Variants in GPR158 observed in about 807,000 individuals in gnomAD.
GPR158 encodes the protein G protein-coupled receptor 158.
A neutral mutation model predicts 78.2 loss-of-function variants in GPR158; 30 were observed. That is an observed-to-expected ratio of 0.38 (90% CI 0.29 to 0.52). The LOEUF (loss-of-function observed/expected upper bound fraction) is 0.52. Among genes scored for constraint, GPR158 ranks in the 20% least tolerant of loss-of-function variants. GPR158 has a pLI of 0.83. For synonymous variants in GPR158, 581 were observed against 591.1 expected (o/e 0.98, Z 0.25); for missense variants, 1,463 against 1,523.5 (o/e 0.96, Z 0.66).
chr10:25,394,047 T>G (rs572169371), intron 2 of GPR158, among the ~76,000 whole-genome samples: 1 of 152,356 alleles, frequency 6.6e-6, no homozygotes, highest in South Asian at 2.1e-4. Flanking sequence ...CCGTGAGCAT[T>G]TCCAAAACTG....
intron 2 of GPR158, among the ~76,000 whole-genome samples, chr10:25,362,879 T>A (rs2130536246): frequency 6.6e-6 from 1 of 152,032 alleles, no homozygotes; most frequent in East Asian, 1.9e-4. Flanking sequence ...TAACTGCTTT[T>A]TATATATTTT....
chr10:25,252,457 G>C (rs1853818967), intron 2 of GPR158, among the ~76,000 whole-genome samples: 1 of 151,810 alleles, frequency 6.6e-6, no homozygotes, highest in African/African-American at 2.4e-5. Context: ...ATCTACTTTT[G>C]GTCTTTGATG....
At chr10:25,250,649 C>G (rs1283050452) in intron 2 of GPR158, among the ~76,000 whole-genome samples, 1 of 149,274 alleles carries the variant, frequency 6.7e-6, no homozygotes, top group Non-Finnish European at 1.5e-5. Context: ...ATCCTGAGTT[C>G]TAGTTTGATT....
chr10:25,362,180 C>T (rs562530288), intron 2 of GPR158, among the ~76,000 whole-genome samples: 1 of 151,774 alleles, frequency 6.6e-6, no homozygotes, highest in East Asian at 1.9e-4. Flanking sequence ...ATTTGGATAT[C>T]CAGATTATTT....
intron 4 of GPR158, among the ~76,000 whole-genome samples, chr10:25,425,450 T>C (rs552467549): frequency 6.6e-6 from 1 of 152,194 alleles, no homozygotes; most frequent in South Asian, 2.1e-4. Flanking sequence ...TTTTTTCATA[T>C]GTTCATCGGC....
chr10:25,418,065 G>A (rs1220469357), intron 4 of GPR158, among the ~76,000 whole-genome samples: 3 of 152,144 alleles, frequency 2.0e-5, no homozygotes, highest in African/African-American at 7.2e-5. Context: ...AAACCTAGCA[G>A]CTGAACCAGT....
intron 5 of GPR158, among the ~76,000 whole-genome samples, chr10:25,484,443 G>A (rs1588883195): frequency 6.6e-6 from 1 of 152,130 alleles, no homozygotes; most frequent in Admixed American, 6.5e-5. Flanking sequence ...AGATCAAATG[G>A]AAACAGATTC....
chr10:25,317,733 TTTGTTTTG>T lies in GPR158; in HGVS notation c.1009-78175_1009-78168del, dbSNP rs1256879556. ...CGTAAAGTGTTTTTTTTTGTTTTGT[TTTGTTTTG>T]TTTTTGAGACAGAGTCTCGCTTCTT... is the stretch of plus-strand genomic sequence containing the variant. On this transcript the variant is annotated intron_variant, in intron 2 of 10. Coordinates refer to ENST00000376351, the MANE Select transcript of GPR158 (RefSeq NM_020752.3). Among the ~76,000 whole-genome samples the T allele has an allele frequency of 3.4e-5, 5 of 146,302 alleles. 1 individual carries two copies. The highest frequency in any genetic ancestry group is 1.4e-4 in the African/African-American group (5 of 36,618).
intron 6 of GPR158, among the ~76,000 whole-genome samples, chr10:25,569,560 C>T (rs1414046): frequency 1.3e-5 from 2 of 151,936 alleles, no homozygotes; most frequent in Admixed American, 6.6e-5. Flanking sequence ...CTTGAAAACT[C>T]CCTAGGAGTT....
intron 4 of GPR158, among the ~76,000 whole-genome samples, chr10:25,448,376 C>T (rs772336122): frequency 2.0e-5 from 3 of 152,142 alleles, no homozygotes; most frequent in African/African-American, 4.8e-5. Context: ...AGGCGTGAGC[C>T]ACCACGGCTG....
chr10:25,338,239 T>C (rs1855238291), intron 2 of GPR158, among the ~76,000 whole-genome samples: 1 of 150,860 alleles, frequency 6.6e-6, no homozygotes, highest in Non-Finnish European at 1.5e-5. Context: ...TTAGAAGATT[T>C]ATTATTTCTT....
chr10:25,385,403 A>G (rs1303951216), intron 2 of GPR158, among the ~76,000 whole-genome samples: 11 of 152,072 alleles, frequency 7.2e-5, no homozygotes, highest in Non-Finnish European at 2.9e-5. Context: ...ACTCTTGGCT[A>G]TTTTAAATAG....
chr10:25,194,635 A>G (rs368517047), intron 1 of GPR158, among the ~76,000 whole-genome samples: 5 of 152,312 alleles, frequency 3.3e-5, no homozygotes, highest in African/African-American at 9.6e-5. Flanking sequence ...AGAAGGAAGT[A>G]TAGGCAGACT....
chr10:25,414,388 T>C (rs924204028), intron 4 of GPR158, among the ~76,000 whole-genome samples: 2 of 152,178 alleles, frequency 1.3e-5, no homozygotes, highest in African/African-American at 4.8e-5. Flanking sequence ...TTCTATAGAT[T>C]AAAAACTATT....
intron 2 of GPR158, among the ~76,000 whole-genome samples, chr10:25,368,918 T>C (rs1381006310): frequency 2.0e-5 from 3 of 148,318 alleles, no homozygotes; most frequent in Admixed American, 6.8e-5. Context: ...AGGTATTTTA[T>C]TCTCTTTGAA....
chr10:25,406,888 G>A (rs1017639017), intron 3 of GPR158, among the ~76,000 whole-genome samples: 9 of 152,248 alleles, frequency 5.9e-5, no homozygotes, highest in Admixed American at 1.3e-4. Context: ...GAAGAGGAAG[G>A]TGATCTTTTC....
chr10:25,444,521 A>G (rs1411867484), intron 4 of GPR158, among the ~76,000 whole-genome samples: 1 of 147,638 alleles, frequency 6.8e-6, no homozygotes, highest in Non-Finnish European at 1.5e-5. Context: ...GCGTGTGGGT[A>G]TGTGTGTGGA....
At chr10:25,217,559 G>A (rs1207581146) in intron 1 of GPR158, among the ~76,000 whole-genome samples, 1 of 152,220 alleles carries the variant, frequency 6.6e-6, no homozygotes, top group Non-Finnish European at 1.5e-5. Flanking sequence ...CCAAGAGTAT[G>A]CTAGTATTAA....
At chr10:25,214,759 G>T (rs1394748317) in intron 1 of GPR158, among the ~76,000 whole-genome samples, 3 of 151,978 alleles carry the variant, frequency 2.0e-5, no homozygotes, top group Non-Finnish European at 4.4e-5. Flanking sequence ...TGAGGAGACA[G>T]ACATGCATAG....
Sources: allele counts gnomAD v4.1 joint callset (sites outside exome capture counted in the v4.1 genomes callset), GRCh38; gene constraint gnomAD v4.1.1; transcripts MANE v1.5; gene names NCBI Gene and HGNC (gene_info 2026-07-23, HGNC 2026-07-21).